Variants in TTC17 observed in about 807,000 individuals in gnomAD.
TTC17 encodes tetratricopeptide repeat protein 17.
In TTC17, 58 loss-of-function variants were observed where a neutral mutation model predicts 143.8. The ratio of observed to expected loss-of-function variants is 0.40; its 90% CI spans 0.33 to 0.50. The LOEUF (loss-of-function observed/expected upper bound fraction) is 0.50. Among genes scored for constraint, TTC17 ranks in the 20% least tolerant of loss-of-function variants. TTC17 has a pLI of 0.49. For synonymous variants in TTC17, 501 were observed against 497.8 expected, an observed-to-expected ratio of 1.01 and a Z score of -0.09; for missense variants, 1,273 against 1,392.5, an observed-to-expected ratio of 0.91 and a Z score of 1.37.
intron 21 of TTC17, chr11:43,466,581 T>C (rs1947977592): frequency 3.6e-6 from 1 of 277,514 alleles, no homozygotes; most frequent in Non-Finnish European, 7.4e-6. Context: ...GGGTGATGAC[T>C]TCACACCCCA....
rs1429796910 is a variant in TTC17 at position 43,404,037 on chromosome 11, A to C, written c.1372A>C (p.Asn458His). ...ATCAACCTCCAGTATGATGTCTGTG[A>C]ACTTTGATGTTCAATCAAATCAGAG... ...DSSTSSMMSV[N>H]FDVQSNQSDI... Residue 458 changes from asparagine to histidine, a missense_variant, in exon 11 of 24, where the codon AAC becomes CAC. Physicochemically the swap from Asn to His is moderately conservative, Grantham distance 68. Transcript: ENST00000039989. 1.2e-6 allele frequency: 2 copies of C among 1,612,278 alleles called. No individual in the cohort carries two copies. The highest frequency in any genetic ancestry group is 1.7e-6 in the Non-Finnish European group (2 of 1,179,132).
chr11:43,481,352 G>T (rs527978169), intron 21 of TTC17, among the ~76,000 whole-genome samples: 2 of 152,060 alleles, frequency 1.3e-5, no homozygotes, highest in Non-Finnish European at 2.9e-5. Context: ...TTGGTCTGTG[G>T]TTTTTTTTAT....
intron 5 of TTC17, among the ~76,000 whole-genome samples, chr11:43,395,099 CTTTT>C (rs34977501): frequency 7.3e-6 from 1 of 137,440 alleles, no homozygotes. Context: ...TCATGTAGAA[CTTTT>C]TTTTTTTTTT....
In TTC17 at chr11:43,407,165, ACT is replaced by A; in HGVS notation, c.1790_1791del (p.Thr597AsnfsTer15). On this transcript the variant is annotated frameshift_variant, in exon 14 of 24. Coordinates refer to ENST00000039989, the MANE Select transcript of TTC17 (RefSeq NM_018259.6). LOFTEE classifies it high-confidence loss of function. ...TTTGCTTTCCCGTATTAATAACTAT[ACT>A]ATCCCAGAAGAAGAAATTGGGTCTT... ...KILLSRINNY[T>X]IPEEEIGSFL... The A allele has an allele frequency of 6.3e-7, 1 of 1,597,798 alleles. No homozygotes were observed. The highest frequency in any genetic ancestry group is 8.5e-7 in the Non-Finnish European group (1 of 1,174,886).
chr11:43,397,615 A>C, intron 7 of TTC17, 124 bp downstream of exon 7: 1 of 1,133,460 alleles, frequency 8.8e-7, no homozygotes, highest in Non-Finnish European at 1.2e-6. Flanking sequence ...GATGGAAATG[A>C]AATTAGGAGG....
intron 10 of TTC17, among the ~76,000 whole-genome samples, chr11:43,402,217 T>C (rs113565386): frequency 1.3e-5 from 2 of 152,120 alleles, no homozygotes; most frequent in Non-Finnish European, 2.9e-5. Flanking sequence ...ATTATTATTA[T>C]TGAACTCAAA....
rs202210346 is a variant in TTC17 at position 43,407,624 on chromosome 11, C to A, written c.2064+47C>A. 103 of 1,512,802 alleles carry A rather than the reference C, an allele frequency of 6.8e-5. No homozygotes were observed. The Admixed American group carries it at 1.9e-3, about 28-fold the overall frequency. The allele number at this position is 1,512,802 out of a possible 1,614,324, so 93.7% of individuals were successfully genotyped here. On this transcript the variant is annotated intron_variant, in intron 15 of 23. Coordinates refer to ENST00000039989, the MANE Select transcript of TTC17 (RefSeq NM_018259.6). The stretch of plus-strand genomic sequence containing the variant: ...TAGTTCCGTATACTATGTAGGGTAA[C>A]TCAAATTTAGATTACAATTTGTATT...
At chr11:43,395,202 G>A (rs534918706) in intron 5 of TTC17, among the ~76,000 whole-genome samples, 4 of 150,310 alleles carry the variant, frequency 2.7e-5, no homozygotes, top group African/African-American at 9.8e-5. Flanking sequence ...CTGGGTTCAC[G>A]CTATTCTCCT....
intron 11 of TTC17, among the ~76,000 whole-genome samples, chr11:43,405,164 A>G (rs117948218): frequency 0.03 from 4,182 of 140,988 alleles, 145 homozygotes; most frequent in East Asian, 0.2. Flanking sequence ...GGTTTTTTTC[A>G]TGGTCATGAC....
intron 16 of TTC17, among the ~76,000 whole-genome samples, chr11:43,418,948 T>C (rs1361608751): frequency 6.6e-6 from 1 of 152,190 alleles, no homozygotes; most frequent in Admixed American, 6.5e-5. Context: ...CTGTCTTATA[T>C]CTTTGATACA....
intron 16 of TTC17, among the ~76,000 whole-genome samples, chr11:43,442,893 C>T (rs767540301): frequency 6.6e-6 from 1 of 152,132 alleles, no homozygotes; most frequent in Admixed American, 6.6e-5. Flanking sequence ...TCAATTAAGG[C>T]AATTAAGCCA....
chr11:43,370,575 T>TA lies in TTC17; in HGVS notation c.160-8657dup, dbSNP rs569073804. ...AAAAAAAAAAAAAGATAAAACATGT[T>TA]ACGTAGTGTTCTAAAGTTTCAGTGT... On this transcript the variant is annotated intron_variant, in intron 1 of 23. Transcript: ENST00000039989. Among the ~76,000 whole-genome samples the TA allele has an allele frequency of 1.2e-3, 189 of 151,758 alleles. 1 individual carries two copies. The highest frequency in any genetic ancestry group is 2.3e-3 in the Non-Finnish European group (156 of 67,962).
chr11:43,409,643 G>T (rs955530868), intron 15 of TTC17, among the ~76,000 whole-genome samples: 1 of 152,136 alleles, frequency 6.6e-6, no homozygotes, highest in Non-Finnish European at 1.5e-5. Flanking sequence ...CAGAGTAAGG[G>T]ATTTATGGGA....
chr11:43,372,591 A>G (rs1274466625), intron 1 of TTC17, among the ~76,000 whole-genome samples: 16 of 152,012 alleles, frequency 1.1e-4, no homozygotes. Flanking sequence ...CCCGGATTCA[A>G]GCGATTCTCC....
rs114705701 is a variant in TTC17, at chr11:43,478,919, G to A, written c.3031-11320G>A. ...CTGAGATAACAAGGTGTGAGCCACC[G>A]CACCCAGCCAGGAGTGCAGCTTTTA... On this transcript the variant is annotated intron_variant, in intron 21 of 23. Coordinates refer to ENST00000039989, the MANE Select transcript of TTC17 (RefSeq NM_018259.6). 4.1e-3 allele frequency among the ~76,000 whole-genome samples: 621 copies of A among 152,252 alleles called. 4 individuals are homozygous for A. Among genetic ancestry groups the A allele is most frequent in the African/African-American group, 0.014 (583 of 41,538 alleles).
At chr11:43,484,120 C>T (rs942672245) in intron 21 of TTC17, among the ~76,000 whole-genome samples, 17 of 151,862 alleles carry the variant, frequency 1.1e-4, no homozygotes, top group African/African-American at 2.9e-4. Context: ...CCAGCCTGGG[C>T]GAGAGAGCGA....
rs999337173 is a variant in TTC17 at position 43,371,032 on chromosome 11, G to C, written c.160-8201G>C. Among the ~76,000 whole-genome samples, 8 of 151,278 alleles carry C rather than the reference G, an allele frequency of 5.3e-5. No individual in the cohort carries two copies. In the East Asian group the frequency reaches 1.4e-3, roughly 26 times the overall value. ...GTTCGGGGAGGGGAGGTGGGGGGGGGGGTCTTGAACTTATCTCAGGTGATC... is the reference window on the plus strand; with the variant it reads ...GTTCGGGGAGGGGAGGTGGGGGGGGCGGTCTTGAACTTATCTCAGGTGATC... On this transcript the variant is annotated intron_variant, in intron 1 of 23. Transcript: ENST00000039989.
chr11:43,401,656 C>T, intron 10 of TTC17, 98 bp downstream of exon 10: 1 of 834,500 alleles, frequency 1.2e-6, no homozygotes, highest in Non-Finnish European at 1.8e-6. Context: ...ATATTTGATC[C>T]CTAAAATTTG....
intron 2 of TTC17, among the ~76,000 whole-genome samples, chr11:43,385,897 T>C (rs1857152346): frequency 6.6e-6 from 1 of 151,732 alleles, no homozygotes; most frequent in African/African-American, 2.4e-5. Flanking sequence ...AACCAAACTC[T>C]AGCAGCAAGG....
Sources: gnomAD v4.1 joint callset for allele counts (sites outside exome capture counted in the v4.1 genomes callset) on GRCh38, gnomAD v4.1.1 for gene constraint, MANE v1.5 for transcripts, NCBI Gene and HGNC (gene_info 2026-07-23, HGNC 2026-07-21) for gene names.